The following TRIP11 variants were observed in gnomAD, a reference collection of about 807,000 sequenced individuals.
The protein encoded by TRIP11 is thyroid hormone receptor interactor 11.
Under a neutral mutation model 223.1 loss-of-function variants are expected in TRIP11, and 148 were observed. The ratio of observed to expected loss-of-function variants is 0.66; its 90% CI spans 0.58 to 0.76. TRIP11 has a LOEUF of 0.76. TRIP11 is among the 30% of genes least tolerant of loss of function. The pLI is 0.00. For synonymous variants in TRIP11, 762 were observed against 772.6 expected, an observed-to-expected ratio of 0.99 and a Z score of 0.23; for missense variants, 2,043 against 2,222.0, an observed-to-expected ratio of 0.92 and a Z score of 1.62.
At chr14:91,981,010 A>ATTTTTTTTTTTTTTTT (rs1444189118) in intron 16 of TRIP11, among the ~76,000 whole-genome samples, 1 of 55,838 alleles carries the variant, frequency 1.8e-5, no homozygotes, top group African/African-American at 6.8e-5. Flanking sequence ...ATATATATAT[A>ATTTTTTTTTTTTTTTT]TATTTTTTTT....
In TRIP11 at chr14:92,026,371, A is replaced by C. The variant is rs575282136; in HGVS notation, c.202-951T>G. On this transcript the variant is annotated intron_variant, in intron 2 of 20. Transcript: ENST00000267622. ...ATGTACCTAAATATTAAATTATCTT[A>C]ACCTATTATCATTCCTTATTTGAAT... is the stretch of plus-strand genomic sequence containing the variant. Among the ~76,000 whole-genome samples the C allele has an allele frequency of 3.3e-5, 5 of 152,362 alleles. No homozygotes were observed. The East Asian group carries it at 7.7e-4, about 23-fold the overall frequency.
In TRIP11 at chr14:92,017,716, T is replaced by C; in HGVS notation, c.623A>G (p.Gln208Arg). The change falls in exon 5 of 21, where the codon CAA (glutamine) becomes CGA (arginine). Residue 208 changes from glutamine to arginine, a missense_variant. Physicochemically the swap from Gln to Arg is conservative, Grantham distance 43 (BLOSUM62 1). Coordinates refer to ENST00000267622, the MANE Select transcript of TRIP11 (RefSeq NM_004239.4). ...ATTTTGTAGTTTACATATTTCACTTTGATCAGAGTTATCTGTTCCTTGTGC... is the reference window on the plus strand; with the variant it reads ...ATTTTGTAGTTTACATATTTCACTTCGATCAGAGTTATCTGTTCCTTGTGC... ...SKAQGTDNSD[Q>R]SEICKLQNII... 6.2e-7 allele frequency: 1 copy of C among 1,612,968 alleles called. No homozygotes were observed.
intron 4 of TRIP11, among the ~76,000 whole-genome samples, 154 bp downstream of exon 4, chr14:92,021,402 A>G (rs907930541): frequency 1.5e-4 from 23 of 152,048 alleles, no homozygotes; most frequent in East Asian, 3.9e-4. Flanking sequence ...AAAAAAAAAA[A>G]AAAGAAAGAA....
chr14:91,987,119 T>A (rs1031120168), intron 16 of TRIP11, among the ~76,000 whole-genome samples: 1 of 152,192 alleles, frequency 6.6e-6, no homozygotes, highest in Non-Finnish European at 1.5e-5. Context: ...AAATGTTATG[T>A]CAAATGTCCA....
At position 91,978,649 on chromosome 14, in the gene TRIP11, A is replaced by G. The variant is rs949529635; in HGVS notation, c.5261-2460T>C. On this transcript the variant is annotated intron_variant, in intron 16 of 20. Coordinates refer to ENST00000267622, the MANE Select transcript of TRIP11 (RefSeq NM_004239.4). The surrounding 1 kb of genome is among the most constrained non-coding windows in gnomAD (Gnocchi z 4.4). Reference sequence around the variant, plus strand: ...GAAATAGTTGAGATTACCAGTGTGCACCACCACAACCAGCTAATTTCTAAT... The same window carrying G: ...GAAATAGTTGAGATTACCAGTGTGCGCCACCACAACCAGCTAATTTCTAAT... 3.9e-5 allele frequency among the ~76,000 whole-genome samples: 6 copies of G among 152,006 alleles called. No homozygotes were observed. Among genetic ancestry groups the G allele is most frequent in the African/African-American group, 9.7e-5 (4 of 41,386 alleles).
At chr14:92,038,717 A>G (rs1416577616) in intron 1 of TRIP11, among the ~76,000 whole-genome samples, 1 of 152,240 alleles carries the variant, frequency 6.6e-6, no homozygotes, top group Non-Finnish European at 1.5e-5. Context: ...ACCCAAAAGA[A>G]CAGCCCATTA....
chr14:92,016,979 C>T (rs2057042376), intron 5 of TRIP11, among the ~76,000 whole-genome samples: 1 of 152,126 alleles, frequency 6.6e-6, no homozygotes, highest in Non-Finnish European at 1.5e-5. Flanking sequence ...ATAATTGACA[C>T]AAACTAGCGA....
In TRIP11 at chr14:91,967,542, A is replaced by G. The variant is rs997316432; in HGVS notation, c.*2131T>C. 1 of 200,176 alleles carries G rather than the reference A, an allele frequency of 5.0e-6. No homozygotes were observed. The highest frequency in any genetic ancestry group is 2.3e-5 in the African/African-American group (1 of 43,440). The allele number at this position is 200,176 out of a possible 1,614,324, so 12.4% of individuals were successfully genotyped here. ...ATGCAATCCACCCACAACAGCTTTT[A>G]AACTTACGTTAAACCATGGGATGAG... On this transcript the variant is annotated 3_prime_UTR_variant, in exon 21 of 21. Transcript: ENST00000267622.
At chr14:92,019,269 G>C (rs548650687) in intron 4 of TRIP11, among the ~76,000 whole-genome samples, 5 of 152,100 alleles carry the variant, frequency 3.3e-5, no homozygotes, top group Non-Finnish European at 7.4e-5. Context: ...CTCTAACAAT[G>C]TTTCTTAAAA....
At position 91,967,292 on chromosome 14, in the gene TRIP11, C is replaced by T; in HGVS notation, c.*2381G>A. The T allele has an allele frequency of 5.7e-6, 1 of 174,792 alleles. No homozygotes were observed. The highest frequency in any genetic ancestry group is 1.2e-5 in the Non-Finnish European group (1 of 81,118). 10.8% of individuals were successfully genotyped at this position (174,792 alleles called of 1,614,324 possible). ...TAGCTGGGATTATAGGCGCCTGCCA[C>T]CATGCCCAGCTAATTTTTGTATTTT... On this transcript the variant is annotated 3_prime_UTR_variant, in exon 21 of 21. Coordinates refer to ENST00000267622, the MANE Select transcript of TRIP11 (RefSeq NM_004239.4).
chr14:91,988,973 G>A (rs928520578), intron 15 of TRIP11, among the ~76,000 whole-genome samples: 5 of 152,114 alleles, frequency 3.3e-5, no homozygotes, highest in Non-Finnish European at 5.9e-5. Flanking sequence ...AGCAAATACC[G>A]TTACCATATC....
chr14:92,003,642 G>C lies in TRIP11; in HGVS notation c.4334C>G (p.Thr1445Arg), dbSNP rs189537663. ...AATTAATATTCTCTCCTTCAGGTTTGTTACTGCCTGCCTCAAAAGTTCGTT... is the reference window on the plus strand; with the variant it reads ...AATTAATATTCTCTCCTTCAGGTTTCTTACTGCCTGCCTCAAAAGTTCGTT... ...NENELLRQAV[T>R]NLKERILILE... Residue 1445 changes from threonine to arginine, a missense_variant, in exon 11 of 21, where the codon ACA becomes AGA. Transcript: ENST00000267622. 1.2e-6 allele frequency: 2 copies of C among 1,614,038 alleles called. No individual in the cohort carries two copies. Among genetic ancestry groups the C allele is most frequent in the African/African-American group, 2.7e-5 (2 of 74,986 alleles).
chr14:91,970,277 G>A (rs2056385318), intron 20 of TRIP11, among the ~76,000 whole-genome samples: 1 of 152,108 alleles, frequency 6.6e-6, no homozygotes, highest in Non-Finnish European at 1.5e-5. Flanking sequence ...GCTGGGCATG[G>A]TGGCGGGCGC....
At chr14:91,974,851 T>C in intron 18 of TRIP11, 108 bp from the exon 19 acceptor site, 1 of 936,652 alleles carries the variant, frequency 1.1e-6, no homozygotes, top group Non-Finnish European at 1.6e-6. Flanking sequence ...CTTTTCAAGT[T>C]CAAGTCCTAG....
Position 91,969,289 on chromosome 14 carries a change from T to TTA in TRIP11, c.*383_*384insTA. On this transcript the variant is annotated 3_prime_UTR_variant, in exon 21 of 21. Transcript: ENST00000267622. ...TACTAGTATTTTTTTATTCTTCGTT[T>TTA]AAAAAAAAAAAACACTCTCTTGATA... The TTA allele has an allele frequency of 3.8e-6, 1 of 262,828 alleles. No homozygotes were observed. The highest frequency in any genetic ancestry group is 7.2e-6 in the Non-Finnish European group (1 of 138,780). The allele number at this position is 262,828 out of a possible 1,614,324, so 16.3% of individuals were successfully genotyped here.
intron 14 of TRIP11, among the ~76,000 whole-genome samples, chr14:91,995,008 T>C (rs997405575): frequency 6.6e-6 from 1 of 152,192 alleles, no homozygotes; most frequent in African/African-American, 2.4e-5. Flanking sequence ...TGTATGTGCG[T>C]ATCTCTCTTT....
At chr14:91,992,720 T>C (rs575665942) in intron 15 of TRIP11, among the ~76,000 whole-genome samples, 40 of 151,802 alleles carry the variant, frequency 2.6e-4, no homozygotes, top group East Asian at 7.8e-4. Flanking sequence ...CTATCCTGGC[T>C]AACATGGTGA....
chr14:92,035,209 A>C (rs931722208), intron 1 of TRIP11, among the ~76,000 whole-genome samples: 20 of 151,866 alleles, frequency 1.3e-4, no homozygotes, highest in Non-Finnish European at 2.5e-4. Context: ...AATCCCACCT[A>C]CTTAGGAGGC....
chr14:91,993,322 C>A (rs573611593), intron 15 of TRIP11, among the ~76,000 whole-genome samples: 34 of 151,376 alleles, frequency 2.2e-4, no homozygotes, highest in African/African-American at 8.2e-4. Context: ...ATTAAAAATA[C>A]AAAATTAGCT....
Sources: gnomAD v4.1 joint callset for allele counts (sites outside exome capture counted in the v4.1 genomes callset) on GRCh38, gnomAD v4.1.1 for gene constraint, Gnocchi (gnomAD v3.1) non-coding constraint, MANE v1.5 for transcripts, NCBI Gene and HGNC (gene_info 2026-07-23, HGNC 2026-07-21) for gene names.